The following CACNB4 variants were observed in gnomAD, a reference collection of about 807,000 sequenced individuals.
CACNB4 encodes the protein voltage-dependent L-type calcium channel subunit beta-4.
A neutral mutation model predicts 71.2 loss-of-function variants in CACNB4; 32 were observed. The ratio of observed to expected loss-of-function variants is 0.45; its 90% CI spans 0.34 to 0.60. CACNB4 has a LOEUF of 0.60. Ranked by LOEUF, CACNB4 falls within the 20% of genes least tolerant of loss-of-function variation. CACNB4 has a pLI of 0.01. For missense variants in CACNB4, 464 were observed against 647.9 expected, an observed-to-expected ratio of 0.72 and a Z score of 3.08; for synonymous variants, 231 against 236.9, an observed-to-expected ratio of 0.97 and a Z score of 0.23.
At chr2:151,921,238 C>A (rs1210187786) in intron 2 of CACNB4, among the ~76,000 whole-genome samples, 1 of 150,808 alleles carries the variant, frequency 6.6e-6, no homozygotes, top group Admixed American at 6.6e-5. Context: ...GCTTCACAAA[C>A]ATTATCCCAT....
chr2:151,982,676 T>C (rs1004732809), intron 2 of CACNB4, among the ~76,000 whole-genome samples: 1 of 151,562 alleles, frequency 6.6e-6, no homozygotes, highest in African/African-American at 2.4e-5. Context: ...TTCCCATTCC[T>C]TTGGATGTGG....
intron 4 of CACNB4, among the ~76,000 whole-genome samples, chr2:151,877,937 T>C (rs2099846860): frequency 1.3e-5 from 2 of 152,288 alleles, no homozygotes; most frequent in African/African-American, 4.8e-5. Context: ...CAGAAAGCAA[T>C]TTAGTTCAAG....
At position 151,839,214 on chromosome 2, in the gene CACNB4, C is replaced by T. The variant is rs771699585; in HGVS notation, c.1468G>A (p.Glu490Lys). Residue 490 changes from glutamate (E) to lysine (K), a missense_variant, in exon 14 of 14, where the codon GAA (glutamate) becomes AAA (lysine). Physicochemically the swap from Glu to Lys is moderately conservative, Grantham distance 56 (BLOSUM62 1). Around this residue, in one of 3 missense-constraint regions of CACNB4, gnomAD observed 115 missense variants for 128.8 expected, o/e 0.89. Coordinates refer to ENST00000539935, the MANE Select transcript of CACNB4 (RefSeq NM_000726.5). ...HSRDHYPLVE[E>K]DYPDSYQDTY... is the part of the protein sequence containing the mutation. ...TCCTGGTATGAGTCAGGGTAATCTTCTTCCACAAGAGGGTAATGATCTCGG... is the reference window on the plus strand; with the variant it reads ...TCCTGGTATGAGTCAGGGTAATCTTTTTCCACAAGAGGGTAATGATCTCGG... 6.2e-7 allele frequency: 1 copy of T among 1,613,770 alleles called. No homozygotes were observed. The highest frequency in any genetic ancestry group is 2.2e-5 in the East Asian group (1 of 44,878).
chr2:151,852,069 G>C (rs1456800586), intron 12 of CACNB4: 1 of 152,160 alleles, frequency 6.6e-6, no homozygotes, highest in Non-Finnish European at 1.5e-5. Context: ...TGTGTGTATG[G>C]GTGGATGGGT....
At position 152,060,067 on chromosome 2, in the gene CACNB4, A is replaced by G. The variant is rs558434715; in HGVS notation, c.147+38263T>C. On this transcript the variant is annotated intron_variant, in intron 2 of 13. Transcript: ENST00000539935. Reference sequence around the variant, plus strand: ...TCCTGAGGCCTCCCAAGACATGTGGAACTGTGAGTCAATTAAACCTCTTTC... The same window carrying G: ...TCCTGAGGCCTCCCAAGACATGTGGGACTGTGAGTCAATTAAACCTCTTTC... 9.8e-5 allele frequency among the ~76,000 whole-genome samples: 15 copies of G among 152,342 alleles called. 1 individual carries two copies. In the South Asian group the frequency reaches 1.7e-3, roughly 17 times the overall value.
intron 2 of CACNB4, among the ~76,000 whole-genome samples, chr2:152,080,321 C>T (rs4423586): frequency 6.6e-6 from 1 of 152,114 alleles, no homozygotes; most frequent in South Asian, 2.1e-4. Flanking sequence ...CAGGGTTTCA[C>T]TATGTTAGTC....
At chr2:151,911,628 G>T (rs186521869) in intron 2 of CACNB4, among the ~76,000 whole-genome samples, 53 of 152,256 alleles carry the variant, frequency 3.5e-4, no homozygotes, top group Middle Eastern at 3.4e-3. Context: ...ATATTGGCCT[G>T]AAGTCTTCTT....
intron 2 of CACNB4, among the ~76,000 whole-genome samples, chr2:152,095,523 G>A (rs1255329240): frequency 6.6e-6 from 1 of 151,252 alleles, no homozygotes; most frequent in Non-Finnish European, 1.5e-5. Flanking sequence ...ATATTTTTTG[G>A]TATTCCACTA....
intron 2 of CACNB4, among the ~76,000 whole-genome samples, chr2:151,974,246 G>T (rs570367849): frequency 2.0e-5 from 3 of 152,314 alleles, no homozygotes; most frequent in East Asian, 1.9e-4. Flanking sequence ...GCAAAGGAAA[G>T]ATTTTATTTT....
chr2:152,042,971 T>C lies in CACNB4; in HGVS notation c.147+55359A>G, dbSNP rs2680979. 5.6e-3 allele frequency among the ~76,000 whole-genome samples: 851 copies of C among 152,220 alleles called. 7 individuals carry two copies. Among genetic ancestry groups the C allele is most frequent in the African/African-American group, 0.019 (798 of 41,522 alleles). ...GGTCTCACAGCTCATTATATGCTAA[T>C]TACAATGCATTAGCGTGCTAAAAGA... On this transcript the variant is annotated intron_variant, in intron 2 of 13. Transcript: ENST00000539935.
At chr2:151,990,814 C>A (rs1473546378) in intron 2 of CACNB4, among the ~76,000 whole-genome samples, 1 of 152,136 alleles carries the variant, frequency 6.6e-6, no homozygotes, top group Non-Finnish European at 1.5e-5. Context: ...CAGAGACTCT[C>A]CCAAGGAATG....
intron 2 of CACNB4, among the ~76,000 whole-genome samples, chr2:151,889,603 T>C (rs1020426350): frequency 1.3e-5 from 2 of 152,184 alleles, no homozygotes; most frequent in South Asian, 2.1e-4. Flanking sequence ...TTTTTCCACA[T>C]TGCAGAAGGA....
chr2:151,973,608 G>A (rs2099873197), intron 2 of CACNB4: 1 of 1,464,964 alleles, frequency 6.8e-7, no homozygotes, highest in Admixed American at 1.7e-5. Context: ...GGGGGGTGGA[G>A]GGGATAGTGG....
chr2:152,056,142 C>T (rs1685714472), intron 2 of CACNB4, among the ~76,000 whole-genome samples: 1 of 152,128 alleles, frequency 6.6e-6, no homozygotes, highest in Admixed American at 6.5e-5. Context: ...GCAGATGGAT[C>T]ACGAAGTCAG....
chr2:152,048,025 C>T (rs1685224348), intron 2 of CACNB4, among the ~76,000 whole-genome samples: 1 of 152,212 alleles, frequency 6.6e-6, no homozygotes, highest in Admixed American at 6.5e-5. Flanking sequence ...TCTCTCCCTG[C>T]AAATCCTAGT....
At position 151,872,403 on chromosome 2, in the gene CACNB4, A is replaced by G; in HGVS notation, c.598+14T>C. The G allele has an allele frequency of 6.7e-7, 1 of 1,490,798 alleles. No individual in the cohort carries two copies. Among genetic ancestry groups the G allele is most frequent in the South Asian group, 1.2e-5 (1 of 84,992 alleles). The allele number at this position is 1,490,798 out of a possible 1,614,324, so 92.3% of individuals were successfully genotyped here. ...AATACAGTGTATGAAAAAGAGTTTA[A>G]CTACAACCCTCACCTGTTGATGTGG... On this transcript the variant is annotated intron_variant, in intron 6 of 13. Transcript: ENST00000539935.
At chr2:151,956,033 T>G (rs1325763627) in intron 2 of CACNB4, among the ~76,000 whole-genome samples, 2 of 152,230 alleles carry the variant, frequency 1.3e-5, no homozygotes, top group Non-Finnish European at 2.9e-5. Context: ...TTTTTGTACT[T>G]GAGACTGAGC....
At chr2:151,887,052 T>C (rs547301495) in intron 2 of CACNB4, among the ~76,000 whole-genome samples, 19 of 152,190 alleles carry the variant, frequency 1.2e-4, no homozygotes, top group South Asian at 1.0e-3. Flanking sequence ...GTCACCCAGA[T>C]ATCTGGCTAA....
At chr2:151,870,688 A>C in intron 7 of CACNB4, 77 bp from the exon 8 acceptor site, 1 of 1,336,060 alleles carries the variant, frequency 7.5e-7, no homozygotes, top group Non-Finnish European at 1.1e-6. Context: ...TCATAATTTC[A>C]TAATTCTCAG....
Sources: gnomAD v4.1 joint callset for allele counts (sites outside exome capture counted in the v4.1 genomes callset) on GRCh38, gnomAD v4.1.1 for gene constraint, gnomAD v4.1.1 regional missense constraint, MANE v1.5 for transcripts, NCBI Gene and HGNC (gene_info 2026-07-23, HGNC 2026-07-21) for gene names.